The following NBR1 variants were observed in gnomAD, a reference collection of about 807,000 sequenced individuals.
NBR1 encodes NBR1 autophagy cargo receptor.
A neutral mutation model predicts 115.5 loss-of-function variants in NBR1; 59 were observed. The ratio of observed to expected loss-of-function variants is 0.51; its 90% CI spans 0.41 to 0.63. NBR1 has a LOEUF of 0.63. NBR1 is among the 30% of genes least tolerant of loss of function. NBR1 has a pLI of 0.00. For missense variants in NBR1, 1,043 were observed against 1,150.5 expected (o/e 0.91, Z 1.35); for synonymous variants, 373 against 414.7 (o/e 0.90, Z 1.22).
intron 6 of NBR1, 93 bp downstream of exon 6, chr17:43,186,537 T>C: frequency 9.0e-7 from 1 of 1,110,986 alleles, no homozygotes; most frequent in South Asian, 2.2e-5. Flanking sequence ...TTTTTTATTA[T>C]ACTTTAAGTT....
intron 10 of NBR1, 23 bp from the exon 11 acceptor site, chr17:43,193,071 T>A: frequency 6.2e-7 from 1 of 1,610,554 alleles, no homozygotes; most frequent in African/African-American, 1.3e-5. Flanking sequence ...AGCAAGTGAC[T>A]AAGCATCTGA....
intron 8 of NBR1, chr17:43,190,092 C>A: frequency 3.1e-6 from 1 of 326,978 alleles, no homozygotes; most frequent in Non-Finnish European, 5.5e-6. Context: ...GTTCCAAATG[C>A]CTTTTTTTTT....
In NBR1 at chr17:43,194,960, A is replaced by G. The variant is rs751260177; in HGVS notation, c.1675-4A>G. The G allele has an allele frequency of 6.2e-7, 1 of 1,612,710 alleles. No individual in the cohort carries two copies. The highest frequency in any genetic ancestry group is 8.5e-7 in the Non-Finnish European group (1 of 1,179,366). ...AAACAGCCTAACATTGTCTTTTTTT[A>G]TAGGACCTGCTGTCCTTTGAGCTGT... On this transcript the variant is annotated splice_polypyrimidine_tract_variant and splice_region_variant and intron_variant, in intron 13 of 20. Coordinates refer to ENST00000590996, the MANE Select transcript of NBR1 (RefSeq NM_005899.5).
At chr17:43,191,090 A>G (rs973175055) in intron 9 of NBR1, among the ~76,000 whole-genome samples, 1 of 152,062 alleles carries the variant, frequency 6.6e-6, no homozygotes, top group Non-Finnish European at 1.5e-5. Context: ...CGCCTCTACA[A>G]AAAAAATTTA....
intron 9 of NBR1, among the ~76,000 whole-genome samples, chr17:43,191,058 C>G (rs1315560195): frequency 6.6e-6 from 1 of 152,090 alleles, no homozygotes; most frequent in African/African-American, 2.4e-5. Context: ...TTGAGACCAG[C>G]CTGGGCAACA....
In NBR1 at chr17:43,177,920, T is replaced by C. The variant is rs1194671681; in HGVS notation, c.103-16T>C. The C allele has an allele frequency of 6.7e-7, 1 of 1,496,372 alleles. No individual in the cohort carries two copies. 92.7% of individuals were successfully genotyped at this position (1,496,372 alleles called of 1,614,324 possible). A position where few individuals can be genotyped will look rare whatever the true frequency, so the allele number is the denominator to read the frequency against. On this transcript the variant is annotated splice_polypyrimidine_tract_variant and intron_variant, in intron 2 of 20. Coordinates refer to ENST00000590996, the MANE Select transcript of NBR1 (RefSeq NM_005899.5). ...GTACATTATAACCTGCCTTTAAATATGTATCTCTTTTATAGGTAAAAGTTT... is the reference window on the plus strand; with the variant it reads ...GTACATTATAACCTGCCTTTAAATACGTATCTCTTTTATAGGTAAAAGTTT...
In NBR1 at chr17:43,180,811, G is replaced by T; in HGVS notation, c.201G>T (p.Ala67=). ...TTCTTTTAGGAGAATATGAAGAAGC[G>T]CTTAAGGTAATGATTATTTAATCTC... ...SINSQGEYEE[A]LKMAVKQGNQ... Residue 67 remains alanine (A), a synonymous_variant, in exon 5 of 21, where the codon GCG becomes GCT. Transcript: ENST00000590996. 6.9e-7 allele frequency: 1 copy of T among 1,448,456 alleles called. No individual in the cohort carries two copies. The highest frequency in any genetic ancestry group is 9.1e-7 in the Non-Finnish European group (1 of 1,093,226). 89.7% of individuals were successfully genotyped at this position (1,448,456 alleles called of 1,614,324 possible).
At chr17:43,186,740 A>G (rs759729983) in intron 6 of NBR1, among the ~76,000 whole-genome samples, 5 of 151,438 alleles carry the variant, frequency 3.3e-5, no homozygotes, top group Admixed American at 6.6e-5. Flanking sequence ...TCATTGTTCA[A>G]CTCCCACATA....
chr17:43,179,629 C>T (rs2056613590), intron 4 of NBR1, among the ~76,000 whole-genome samples: 1 of 152,122 alleles, frequency 6.6e-6, no homozygotes, highest in African/African-American at 2.4e-5. Context: ...ATGGGAGGTT[C>T]TCATATTTAA....
intron 13 of NBR1, 48 bp downstream of exon 13, chr17:43,194,547 C>T (rs1439538448): frequency 1.2e-6 from 2 of 1,604,804 alleles, no homozygotes; most frequent in Admixed American, 3.4e-5. Flanking sequence ...GGAGAGAGCA[C>T]AGGAGAGAAG....
At chr17:43,209,741 C>G (rs1229830219) in intron 20 of NBR1, 160 bp from the exon 21 acceptor site, 2 of 1,519,222 alleles carry the variant, frequency 1.3e-6, no homozygotes, top group Non-Finnish European at 1.8e-6. Flanking sequence ...CCGTTGGTAT[C>G]AAGTACACAG....
chr17:43,177,970 TA>T lies in NBR1; in HGVS notation c.141del (p.Lys47AsnfsTer51). The T allele has an allele frequency of 6.4e-7, 1 of 1,566,106 alleles. No homozygotes were observed. Among genetic ancestry groups the T allele is most frequent in the Non-Finnish European group, 8.7e-7 (1 of 1,144,582 alleles). On this transcript the variant is annotated frameshift_variant, in exon 3 of 21. Transcript: ENST00000590996. LOFTEE classifies it high-confidence loss of function. ...KVSFDLNTIQ[I>X]KYLDEENEEV... Reference sequence around the variant, plus strand: ...TCATTTGATCTGAATACTATTCAAATAAAATACCTGGATGAGGAAAATGAAG... The same window carrying T: ...TCATTTGATCTGAATACTATTCAAATAAATACCTGGATGAGGAAAATGAAG...
chr17:43,202,179 GAA>G (rs66915634), intron 18 of NBR1, among the ~76,000 whole-genome samples: 3 of 118,014 alleles, frequency 2.5e-5, no homozygotes, highest in Admixed American at 9.2e-5. Flanking sequence ...GACTCCGTCT[GAA>G]AAAAAAAAAA....
At chr17:43,200,719 C>A in intron 17 of NBR1, 111 bp downstream of exon 17, 1 of 904,094 alleles carries the variant, frequency 1.1e-6, no homozygotes, top group Non-Finnish European at 1.7e-6. Flanking sequence ...AGACTATTTT[C>A]CATAGCAAAG....
intron 16 of NBR1, among the ~76,000 whole-genome samples, chr17:43,197,988 C>T (rs1350386567): frequency 1.3e-5 from 2 of 151,786 alleles, no homozygotes; most frequent in African/African-American, 4.8e-5. Flanking sequence ...CCCATCTCTA[C>T]TAAAAATACT....
chr17:43,208,362 A>G (rs1294257328), intron 20 of NBR1, among the ~76,000 whole-genome samples: 3 of 152,232 alleles, frequency 2.0e-5, no homozygotes, highest in Admixed American at 6.5e-5. Flanking sequence ...ATACAATGCA[A>G]GGTACATTCC....
intron 6 of NBR1, 96 bp from the exon 7 acceptor site, chr17:43,188,946 G>A (rs1419049856): frequency 2.7e-5 from 23 of 866,270 alleles, no homozygotes; most frequent in Non-Finnish European, 4.0e-5. Context: ...ATACTTGTAT[G>A]ATTTCACAAA....
chr17:43,173,477 G>T (rs946850861), intron 1 of NBR1, among the ~76,000 whole-genome samples: 2 of 152,066 alleles, frequency 1.3e-5, no homozygotes, highest in Admixed American at 6.6e-5. Flanking sequence ...TAGTAGGGAC[G>T]AGGTTTCACC....
In NBR1 at chr17:43,210,659, A is replaced by C. The variant is rs562158796; in HGVS notation, c.*585A>C. On this transcript the variant is annotated 3_prime_UTR_variant, in exon 21 of 21. Transcript: ENST00000590996. ...TAATTGGCACCGTTGCTTTCTAAAG[A>C]CTCCATGGTGCATTCAAGAGTATCC... 3.5e-5 allele frequency: 14 copies of C among 398,466 alleles called. 2 individuals carry two copies. Among genetic ancestry groups the C allele is most frequent in the African/African-American group, 2.3e-4 (11 of 48,718 alleles). 24.7% of individuals were successfully genotyped at this position (398,466 alleles called of 1,614,324 possible).
Sources: allele counts gnomAD v4.1 joint callset (sites outside exome capture counted in the v4.1 genomes callset), GRCh38; gene constraint gnomAD v4.1.1; transcripts MANE v1.5; gene names NCBI Gene and HGNC (gene_info 2026-07-23, HGNC 2026-07-21).